The following PCDHGC3 variants were observed in gnomAD, a reference collection of about 807,000 sequenced individuals.
PCDHGC3 encodes protocadherin gamma subfamily C, 3.
A neutral mutation model predicts 59.2 loss-of-function variants in PCDHGC3; 26 were observed. The ratio of observed to expected loss-of-function variants is 0.44; its 90% CI spans 0.32 to 0.61. The LOEUF (loss-of-function observed/expected upper bound fraction) is 0.61. PCDHGC3 is among the 20% of genes least tolerant of loss of function. The pLI, the probability that PCDHGC3 is intolerant of heterozygous loss-of-function variation, is 0.05. For missense variants in PCDHGC3, 1,080 were observed against 1,221.8 expected, an observed-to-expected ratio of 0.88 and a Z score of 1.73; for synonymous variants, 487 against 519.7, an observed-to-expected ratio of 0.94 and a Z score of 0.86.
At position 141,485,789 on chromosome 5, in the gene PCDHGC3, T is replaced by G. The variant is rs1276069810; in HGVS notation, c.2430+7243T>G. The G allele has an allele frequency of 1.2e-6, 2 of 1,613,978 alleles. No individual in the cohort carries two copies. The highest frequency in any genetic ancestry group is 1.7e-6 in the Non-Finnish European group (2 of 1,180,030). On this transcript the variant is annotated intron_variant, in intron 1 of 3. Coordinates refer to ENST00000308177, the MANE Select transcript of PCDHGC3 (RefSeq NM_002588.4). This position sits in a 1 kb window ranked among gnomAD's most constrained non-coding sequence, Gnocchi z 5.7. ...GAAGCCTTTGGATCGAGAGAAGCAATCGGACTACCGCCTGGTGCTGACTGC... is the reference window on the plus strand; with the variant it reads ...GAAGCCTTTGGATCGAGAGAAGCAAGCGGACTACCGCCTGGTGCTGACTGC...
At chr5:141,484,311 C>T (rs1234690996) in intron 1 of PCDHGC3, among the ~76,000 whole-genome samples, 2 of 152,196 alleles carry the variant, frequency 1.3e-5, no homozygotes, top group African/African-American at 4.8e-5. Flanking sequence ...CTCCACCCCG[C>T]TTCCATACTG....
rs374140638 is a variant in PCDHGC3 at position 141,487,759 on chromosome 5, C to T, written c.2431-7048C>T. ...TTGTAAGAGGTAACTATGTGGTAGA[C>T]GCTGTGCTTTGTAACTGTTTCGTGA... On this transcript the variant is annotated intron_variant, in intron 1 of 3. Transcript: ENST00000308177. The surrounding 1 kb of genome is among the most constrained non-coding windows in gnomAD (Gnocchi z 5.0). 45 of 1,546,278 alleles carry T rather than the reference C, an allele frequency of 2.9e-5. No individual in the cohort carries two copies. The highest frequency in any genetic ancestry group is 1.1e-4 in the African/African-American group (8 of 73,160).
Position 141,485,418 on chromosome 5 carries a change from G to A in PCDHGC3, c.2430+6872G>A. ...CACTTCCGTGTGGATTTGGACAGCG[G>A]AGCCCTGCTCATCAAGAACCCAATC... On this transcript the variant is annotated intron_variant, in intron 1 of 3. Transcript: ENST00000308177. This position sits in a 1 kb window ranked among gnomAD's most constrained non-coding sequence, Gnocchi z 5.7. 6.2e-7 allele frequency: 1 copy of A among 1,614,174 alleles called. No homozygotes were observed. The highest frequency in any genetic ancestry group is 8.5e-7 in the Non-Finnish European group (1 of 1,180,042).
intron 2 of PCDHGC3, among the ~76,000 whole-genome samples, chr5:141,502,686 C>T (rs2099815631): frequency 6.6e-6 from 1 of 152,136 alleles, no homozygotes; most frequent in Admixed American, 6.5e-5. Flanking sequence ...CCCTGATGAT[C>T]CTTGCCTGTA....
rs2099610288 is a variant in PCDHGC3, at chr5:141,485,252, G to A, written c.2430+6706G>A. ...GTTCCTCTTTTACCACCTGGGTTAC[G>A]TTTGTGGGCAGATCCGCTACCCGGT... On this transcript the variant is annotated intron_variant, in intron 1 of 3. Coordinates refer to ENST00000308177, the MANE Select transcript of PCDHGC3 (RefSeq NM_002588.4). This position sits in a 1 kb window ranked among gnomAD's most constrained non-coding sequence, Gnocchi z 5.7. 6.2e-7 allele frequency: 1 copy of A among 1,614,042 alleles called. No individual in the cohort carries two copies. The highest frequency in any genetic ancestry group is 1.7e-5 in the Admixed American group (1 of 60,008).
rs551414580 is a variant in PCDHGC3, at chr5:141,493,693, C to T, written c.2431-1114C>T. ...GCCCCAGAATGGTGCTGGTGACTCC[C>T]GATACACCTGGAATGCTAGGTTTCT... On this transcript the variant is annotated intron_variant, in intron 1 of 3. Coordinates refer to ENST00000308177, the MANE Select transcript of PCDHGC3 (RefSeq NM_002588.4). This position sits in a 1 kb window ranked among gnomAD's most constrained non-coding sequence, Gnocchi z 4.3. 5.3e-5 allele frequency among the ~76,000 whole-genome samples: 8 copies of T among 152,168 alleles called. No individual in the cohort carries two copies. Among genetic ancestry groups the T allele is most frequent in the Non-Finnish European group, 1.0e-4 (7 of 68,032 alleles).
rs2099883798 is a variant in PCDHGC3, at chr5:141,511,451, AT to A, written c.*281del. On this transcript the variant is annotated 3_prime_UTR_variant, in exon 4 of 4. Transcript: ENST00000308177. ...GGGGTTACTGTAGACACCAAGAACC[AT>A]TTGCCACACCCCGTTTAGTTACAGC... The A allele has an allele frequency of 3.3e-6, 2 of 606,372 alleles. No individual in the cohort carries two copies. Among genetic ancestry groups the A allele is most frequent in the African/African-American group, 1.9e-5 (1 of 53,734 alleles). 37.6% of individuals were successfully genotyped at this position (606,372 alleles called of 1,614,324 possible).
At chr5:141,503,502 G>A (rs750139098) in intron 2 of PCDHGC3, among the ~76,000 whole-genome samples, 5 of 151,828 alleles carry the variant, frequency 3.3e-5, no homozygotes, top group Admixed American at 2.0e-4. Context: ...AAGAGGCTGA[G>A]GCAGGAGAAT....
At position 141,486,616 on chromosome 5, in the gene PCDHGC3, C is replaced by T. The variant is rs759167270; in HGVS notation, c.2430+8070C>T. On this transcript the variant is annotated intron_variant, in intron 1 of 3. Coordinates refer to ENST00000308177, the MANE Select transcript of PCDHGC3 (RefSeq NM_002588.4). The surrounding 1 kb of genome is among the most constrained non-coding windows in gnomAD (Gnocchi z 5.0). ...TGCTTTGCTCCCTTGCAGCCTCTGA[C>T]CCAGACTCTGGCTTGAATGCGCTTA... is the stretch of plus-strand genomic sequence containing the variant. 2 of 1,613,500 alleles carry T rather than the reference C, an allele frequency of 1.2e-6. No individual in the cohort carries two copies. The highest frequency in any genetic ancestry group is 3.3e-5 in the Admixed American group (2 of 60,004).
At position 141,476,632 on chromosome 5, in the gene PCDHGC3, T is replaced by A. The variant is rs994726301; in HGVS notation, c.516T>A (p.Tyr172Ter). ...PDVGSNSLQT[Y>*]ELSRNEYFAL... ...TGGGAAGCAACTCTTTACAAACCTATGAGCTGAGCCGAAATGAATACTTTG... is the reference window on the plus strand; with the variant it reads ...TGGGAAGCAACTCTTTACAAACCTAAGAGCTGAGCCGAAATGAATACTTTG... Residue 172 changes from tyrosine to a stop codon, truncating the protein, a stop_gained, in exon 1 of 4, where the codon TAT (tyrosine) becomes TAA (stop). Transcript: ENST00000308177. LOFTEE classifies it high-confidence loss of function. The surrounding 1 kb of genome is among the most constrained non-coding windows in gnomAD (Gnocchi z 7.6). 1 of 1,614,216 alleles carries A rather than the reference T, an allele frequency of 6.2e-7. No individual in the cohort carries two copies. The highest frequency in any genetic ancestry group is 8.5e-7 in the Non-Finnish European group (1 of 1,180,028).
At chr5:141,495,213 C>T (rs568314100) in intron 2 of PCDHGC3, among the ~76,000 whole-genome samples, 1 of 152,326 alleles carries the variant, frequency 6.6e-6, no homozygotes, top group South Asian at 2.1e-4. Flanking sequence ...AACCCCCTCC[C>T]CTGAGTTGAG....
Position 141,503,868 on chromosome 5 carries a change from G to A in PCDHGC3, c.2490-1525G>A, listed in dbSNP as rs928240898. Among the ~76,000 whole-genome samples, 24 of 152,202 alleles carry A rather than the reference G, an allele frequency of 1.6e-4. No individual in the cohort carries two copies. The South Asian group carries it at 4.1e-3, about 26-fold the overall frequency. ...TTGGAAAAATTGTAAAGCAGTTCTT[G>A]GTTGTGCTCACCCACCATGACAAAA... On this transcript the variant is annotated intron_variant, in intron 2 of 3. Coordinates refer to ENST00000308177, the MANE Select transcript of PCDHGC3 (RefSeq NM_002588.4).
chr5:141,492,894 G>A (rs2099744893), intron 1 of PCDHGC3, among the ~76,000 whole-genome samples: 1 of 152,202 alleles, frequency 6.6e-6, no homozygotes, highest in Admixed American at 6.5e-5. Flanking sequence ...GGCTTTTGGC[G>A]CCGTCGTGAT....
Position 141,489,730 on chromosome 5 carries a change from A to G in PCDHGC3, c.2431-5077A>G. The stretch of plus-strand genomic sequence containing the variant: ...CAGTGCCCAGGATCCGGATGTGGGC[A>G]CCAATACTGTGAGCTTTTACACTCT... On this transcript the variant is annotated intron_variant, in intron 1 of 3. Coordinates refer to ENST00000308177, the MANE Select transcript of PCDHGC3 (RefSeq NM_002588.4). This position sits in a 1 kb window ranked among gnomAD's most constrained non-coding sequence, Gnocchi z 4.5. 6.2e-7 allele frequency: 1 copy of G among 1,614,182 alleles called. No homozygotes were observed. Among genetic ancestry groups the G allele is most frequent in the Non-Finnish European group, 8.5e-7 (1 of 1,180,020 alleles).
rs781267293 is a variant in PCDHGC3 at position 141,489,926 on chromosome 5, C to T, written c.2431-4881C>T. 1.2e-6 allele frequency: 2 copies of T among 1,614,222 alleles called. No individual in the cohort carries two copies. The highest frequency in any genetic ancestry group is 2.2e-5 in the East Asian group (1 of 44,878). On this transcript the variant is annotated intron_variant, in intron 1 of 3. Coordinates refer to ENST00000308177, the MANE Select transcript of PCDHGC3 (RefSeq NM_002588.4). The surrounding 1 kb of genome is among the most constrained non-coding windows in gnomAD (Gnocchi z 4.5). Reference sequence around the variant, plus strand: ...GCCCGCTCAGGGACCACCCTTATCTCTGTCATCGTGCTGGACATCAATGAT... The same window carrying T: ...GCCCGCTCAGGGACCACCCTTATCTTTGTCATCGTGCTGGACATCAATGAT...
chr5:141,492,164 C>T (rs1180358388), intron 1 of PCDHGC3, among the ~76,000 whole-genome samples: 2 of 152,230 alleles, frequency 1.3e-5, no homozygotes, highest in East Asian at 1.9e-4. Context: ...CTCCCTATCC[C>T]CGCATCACCC....
At chr5:141,502,231 G>A (rs2099813372) in intron 2 of PCDHGC3, among the ~76,000 whole-genome samples, 1 of 152,172 alleles carries the variant, frequency 6.6e-6, no homozygotes, top group Non-Finnish European at 1.5e-5. Context: ...TGTTCTGTGT[G>A]TTCTTTTATC....
chr5:141,492,458 G>A (rs1333043781), intron 1 of PCDHGC3, among the ~76,000 whole-genome samples: 1 of 152,230 alleles, frequency 6.6e-6, no homozygotes, highest in Non-Finnish European at 1.5e-5. Flanking sequence ...GTGCGCGCCT[G>A]AGGGTCCCAG....
intron 2 of PCDHGC3, among the ~76,000 whole-genome samples, chr5:141,498,839 A>C (rs2099786236): frequency 6.6e-6 from 1 of 152,062 alleles, no homozygotes; most frequent in Non-Finnish European, 1.5e-5. Context: ...AGGCTGAGGC[A>C]GGGGAATCGC....
Sources: gnomAD v4.1 joint callset for allele counts (sites outside exome capture counted in the v4.1 genomes callset) on GRCh38, gnomAD v4.1.1 for gene constraint, Gnocchi (gnomAD v3.1) non-coding constraint, MANE v1.5 for transcripts, NCBI Gene and HGNC (gene_info 2026-07-23, HGNC 2026-07-21) for gene names.